Variants in KIF2A observed in about 807,000 individuals in gnomAD.
KIF2A encodes kinesin family member 2A.
KIF2A carries 22 observed loss-of-function variants against 100.2 expected under a neutral mutation model. The observed-to-expected ratio is 0.22, with a 90% CI of 0.16 to 0.31. The LOEUF (loss-of-function observed/expected upper bound fraction) is 0.31, where lower values mean the gene tolerates loss of function less well. Among genes scored for constraint, KIF2A ranks in the 10% least tolerant of loss-of-function variants. The pLI, the probability that KIF2A is intolerant of heterozygous loss-of-function variation, is 1.00. For missense variants in KIF2A, 495 were observed against 898.7 expected (o/e 0.55, Z 5.74); for synonymous variants, 268 against 285.9 (o/e 0.94, Z 0.63).
At chr5:62,346,746 A>G (rs942087243) in intron 1 of KIF2A, among the ~76,000 whole-genome samples, 2 of 152,186 alleles carry the variant, frequency 1.3e-5, no homozygotes, top group African/African-American at 4.8e-5. Flanking sequence ...TCAGGAAAAA[A>G]AATTTTGCTT....
At chr5:62,328,665 G>A (rs1163449816) in intron 1 of KIF2A, among the ~76,000 whole-genome samples, 1 of 151,644 alleles carries the variant, frequency 6.6e-6, no homozygotes, top group East Asian at 1.9e-4. Flanking sequence ...CTAATTTTGT[G>A]TTTTTAGTAG....
chr5:62,342,489 G>C (rs1028344249), intron 1 of KIF2A, among the ~76,000 whole-genome samples: 5 of 152,268 alleles, frequency 3.3e-5, no homozygotes, highest in Admixed American at 6.5e-5. Context: ...TTAGGTTTGG[G>C]GTTGAGAACT....
In KIF2A at chr5:62,387,248, G is replaced by A. The variant is rs2112023501; in HGVS notation, c.*1679G>A. ...AAAGGACTCAGGTTTTCTTGCAGCT[G>A]TAAGATATATTCTATTTGTGTTTAT... On this transcript the variant is annotated 3_prime_UTR_variant, in exon 21 of 21. Coordinates refer to ENST00000407818, the MANE Select transcript of KIF2A (RefSeq NM_001098511.3). The A allele has an allele frequency of 6.6e-6, 1 of 152,264 alleles. No individual in the cohort carries two copies. Among genetic ancestry groups the A allele is most frequent in the Non-Finnish European group, 1.5e-5 (1 of 68,018 alleles). 9.4% of individuals were successfully genotyped at this position (152,264 alleles called of 1,614,324 possible).
chr5:62,312,450 G>T (rs1745600700), intron 1 of KIF2A, among the ~76,000 whole-genome samples: 1 of 152,160 alleles, frequency 6.6e-6, no homozygotes, highest in South Asian at 2.1e-4. Context: ...TTAATCTTTT[G>T]CAAAGTTTAA....
rs563725224 is a variant in KIF2A at position 62,359,124 on chromosome 5, C to G, written c.872+825C>G. Among the ~76,000 whole-genome samples the G allele has an allele frequency of 1.1e-4, 16 of 152,240 alleles. No individual in the cohort carries two copies. In the East Asian group the frequency reaches 3.1e-3, roughly 29 times the overall value. On this transcript the variant is annotated intron_variant, in intron 9 of 20. Coordinates refer to ENST00000407818, the MANE Select transcript of KIF2A (RefSeq NM_001098511.3). The stretch of plus-strand genomic sequence containing the variant: ...AGTACATGAGATTCTTGTATGTTTT[C>G]TGTATTCAACTTAAAAATAATTCAA...
chr5:62,344,884 C>G (rs1417019403), intron 1 of KIF2A, among the ~76,000 whole-genome samples: 2 of 152,180 alleles, frequency 1.3e-5, no homozygotes, highest in Non-Finnish European at 2.9e-5. Context: ...AACATCCTCA[C>G]TATTTGAAAT....
chr5:62,390,486 A>T lies in KIF2A; in HGVS notation c.*4917A>T, dbSNP rs560098202. ...TATTCCCAGTAAGGAAATTTTAAAA[A>T]TCAGATCCAGTTACATGTATTATGA... On this transcript the variant is annotated 3_prime_UTR_variant, in exon 21 of 21. Transcript: ENST00000407818. 2.9e-4 allele frequency among the ~76,000 whole-genome samples: 44 copies of T among 152,330 alleles called. No individual in the cohort carries two copies. The highest frequency in any genetic ancestry group is 1.0e-3 in the African/African-American group (43 of 41,570).
intron 19 of KIF2A, among the ~76,000 whole-genome samples, chr5:62,380,680 GAGAAA>G (rs1252981191): frequency 1.3e-5 from 2 of 152,182 alleles, no homozygotes; most frequent in Admixed American, 1.3e-4. Flanking sequence ...AAGTAAGCTA[GAGAAA>G]AGAAAATGGT....
intron 1 of KIF2A, among the ~76,000 whole-genome samples, chr5:62,339,320 A>G (rs1747149142): frequency 1.3e-5 from 2 of 151,024 alleles, no homozygotes; most frequent in Non-Finnish European, 3.0e-5. Context: ...GGATGGTGCT[A>G]AACCATTCAT....
intron 3 of KIF2A, among the ~76,000 whole-genome samples, chr5:62,349,096 T>G (rs748405290): frequency 2.0e-5 from 3 of 152,186 alleles, no homozygotes; most frequent in Non-Finnish European, 2.9e-5. Context: ...TAGTTACCAC[T>G]TATACATGGA....
intron 1 of KIF2A, among the ~76,000 whole-genome samples, chr5:62,334,549 ACTC>A (rs1423482132): frequency 2.0e-5 from 2 of 98,450 alleles, no homozygotes; most frequent in Admixed American, 1.5e-4. Flanking sequence ...TCCTTCTCCT[ACTC>A]CTCCTCTCGT....
In KIF2A at chr5:62,388,851, A is replaced by C; in HGVS notation, c.*3282A>C. The C allele has an allele frequency of 1.5e-6, 1 of 676,754 alleles. No homozygotes were observed. Among genetic ancestry groups the C allele is most frequent in the Non-Finnish European group, 2.6e-6 (1 of 391,418 alleles). The allele number at this position is 676,754 out of a possible 1,614,324, so 41.9% of individuals were successfully genotyped here. A position where few individuals can be genotyped will look rare whatever the true frequency, so the allele number is the denominator to read the frequency against. ...TTGATACTTAGAACTTTCCAACTTTAAAATTCAGAATCATAAATGGTGACA... is the reference window on the plus strand; with the variant it reads ...TTGATACTTAGAACTTTCCAACTTTCAAATTCAGAATCATAAATGGTGACA... On this transcript the variant is annotated 3_prime_UTR_variant, in exon 21 of 21. Coordinates refer to ENST00000407818, the MANE Select transcript of KIF2A (RefSeq NM_001098511.3).
chr5:62,318,209 A>G (rs1244149550), intron 1 of KIF2A, among the ~76,000 whole-genome samples: 3 of 151,952 alleles, frequency 2.0e-5, no homozygotes, highest in South Asian at 2.1e-4. Context: ...CAGCCTCCTC[A>G]GTAGCTGGGA....
chr5:62,367,260 T>C (rs1741117149), intron 16 of KIF2A, among the ~76,000 whole-genome samples: 1 of 152,050 alleles, frequency 6.6e-6, no homozygotes, highest in Non-Finnish European at 1.5e-5. Flanking sequence ...GGTGTTTTTT[T>C]TGTTTTTTGT....
At chr5:62,370,288 C>CTTTA (rs1554042830) in intron 16 of KIF2A, among the ~76,000 whole-genome samples, 37 of 151,890 alleles carry the variant, frequency 2.4e-4, no homozygotes, top group Middle Eastern at 3.4e-3. Context: ...ATTAGAGATA[C>CTTTA]TTTATTTATT....
intron 4 of KIF2A, among the ~76,000 whole-genome samples, chr5:62,351,179 C>T (rs888556986): frequency 1.3e-5 from 2 of 151,778 alleles, no homozygotes; most frequent in Non-Finnish European, 2.9e-5. Flanking sequence ...TTCAGTGAGC[C>T]GAGATTGTGC....
At chr5:62,324,637 T>G (rs991012779) in intron 1 of KIF2A, among the ~76,000 whole-genome samples, 1 of 152,226 alleles carries the variant, frequency 6.6e-6, no homozygotes, top group African/African-American at 2.4e-5. Flanking sequence ...TAAATGGTGC[T>G]GGGGAAACTG....
rs191108117 is a variant in KIF2A, at chr5:62,359,149, A to G, written c.872+850A>G. On this transcript the variant is annotated intron_variant, in intron 9 of 20. Transcript: ENST00000407818. ...CTGTATTCAACTTAAAAATAATTCA[A>G]ATTTATCTGTGTTATACATTGGTAT... 3.4e-3 allele frequency among the ~76,000 whole-genome samples: 523 copies of G among 152,246 alleles called. 2 individuals are homozygous for G. Among genetic ancestry groups the G allele is most frequent in the African/African-American group, 0.012 (496 of 41,556 alleles).
At position 62,358,280 on chromosome 5, in the gene KIF2A, C is replaced by T; in HGVS notation, c.853C>T (p.Pro285Ser). The stretch of plus-strand genomic sequence containing the variant: ...TGATTATGCCTTTGATGACTCAGCT[C>T]CTAATGAAATGGTTTACAGGTAGGT... The part of the protein sequence containing the change: ...RFDYAFDDSA[P>S]NEMVYRFTAR... Residue 285 changes from proline (P) to serine (S), a missense_variant, in exon 9 of 21, where the codon CCT becomes TCT. Transcript: ENST00000407818. The T allele has an allele frequency of 2.5e-6, 4 of 1,582,918 alleles. No homozygotes were observed. Among genetic ancestry groups the T allele is most frequent in the Non-Finnish European group, 3.4e-6 (4 of 1,170,332 alleles).
Sources: allele counts gnomAD v4.1 joint callset (sites outside exome capture counted in the v4.1 genomes callset), GRCh38; gene constraint gnomAD v4.1.1; transcripts MANE v1.5; gene names NCBI Gene and HGNC (gene_info 2026-07-23, HGNC 2026-07-21).